The following RNF214 variants were observed in gnomAD, a reference collection of about 807,000 sequenced individuals.
RNF214 encodes ring finger protein 214.
A neutral mutation model predicts 75.9 loss-of-function variants in RNF214; 25 were observed. The observed-to-expected ratio is 0.33, with a 90% CI of 0.24 to 0.46. RNF214 has a LOEUF of 0.46. Among genes scored for constraint, RNF214 ranks in the 20% least tolerant of loss-of-function variants. The probability of loss-of-function intolerance (pLI) is 1.00; values close to 1 mark genes in which losing one functional copy is unlikely to be tolerated. For missense variants in RNF214, 725 were observed against 857.5 expected (o/e 0.85, Z 1.93); for synonymous variants, 314 against 308.8 (o/e 1.02, Z -0.18).
intron 6 of RNF214, among the ~76,000 whole-genome samples, chr11:117,259,572 A>T (rs770907527): frequency 6.6e-6 from 1 of 152,178 alleles, no homozygotes; most frequent in African/African-American, 2.4e-5. Context: ...CATCTTTGCT[A>T]TTCAAGGGCT....
At chr11:117,244,368 A>G (rs1332595464) in intron 4 of RNF214, 77 bp from the exon 5 acceptor site, 27 of 1,225,012 alleles carry the variant, frequency 2.2e-5, no homozygotes, top group Non-Finnish European at 3.1e-5. Flanking sequence ...GCTCTATACA[A>G]TGCCTTGGAC....
In RNF214 at chr11:117,270,241, C is replaced by CTTTTTTTTTTT. The variant is rs57144374; in HGVS notation, c.960-9651_960-9641dup. Among the ~76,000 whole-genome samples, 89 of 75,856 alleles carry CTTTTTTTTTTT rather than the reference C, an allele frequency of 1.2e-3. 2 individuals carry two copies. Among genetic ancestry groups the CTTTTTTTTTTT allele is most frequent in the Non-Finnish European group, 1.4e-3 (55 of 38,910 alleles). 49.8% of individuals were successfully genotyped at this position (75,856 alleles called of 152,430 possible). A position where few individuals can be genotyped will look rare whatever the true frequency, so the allele number is the denominator to read the frequency against. ...TTTCAATTTTCTTTTCTTTTCTTTTCTTTTTTTTTTTTTTTTTTTTTTTTT... is the reference window on the plus strand; with the variant it reads ...TTTCAATTTTCTTTTCTTTTCTTTTCTTTTTTTTTTTTTTTTTTTTTTTTTTTTTTTTTTTT... On this transcript the variant is annotated intron_variant, in intron 6 of 14. Coordinates refer to ENST00000300650, the MANE Select transcript of RNF214 (RefSeq NM_207343.4).
intron 11 of RNF214, 44 bp from the exon 12 acceptor site, chr11:117,282,360 G>C (rs1342107481): frequency 1.2e-6 from 2 of 1,604,852 alleles, no homozygotes; most frequent in Non-Finnish European, 8.5e-7. Flanking sequence ...GTTCCCCGTG[G>C]GTATAGCATA....
chr11:117,280,056 G>T, intron 7 of RNF214, 52 bp downstream of exon 7: 1 of 1,536,490 alleles, frequency 6.5e-7, no homozygotes, highest in Non-Finnish European at 9.0e-7. Context: ...CTTCCAGATG[G>T]TATCTACTTT....
chr11:117,251,210 A>G (rs1345574909), intron 6 of RNF214, among the ~76,000 whole-genome samples: 1 of 107,758 alleles, frequency 9.3e-6, no homozygotes, highest in Admixed American at 9.6e-5. Flanking sequence ...GGCGCCCCGC[A>G]CCTCCCGGAC....
At chr11:117,266,959 A>C (rs1393963479) in intron 6 of RNF214, among the ~76,000 whole-genome samples, 1 of 126,558 alleles carries the variant, frequency 7.9e-6, no homozygotes, top group Non-Finnish European at 1.6e-5. Flanking sequence ...GGTTCAAGCA[A>C]TTCTCCTGCC....
intron 6 of RNF214, among the ~76,000 whole-genome samples, chr11:117,254,527 C>T (rs966531284): frequency 1.3e-5 from 2 of 152,150 alleles, no homozygotes; most frequent in Non-Finnish European, 2.9e-5. Flanking sequence ...TACTTGCTTA[C>T]CATTACCATC....
At position 117,281,723 on chromosome 11, in the gene RNF214, G is replaced by C. The variant is rs368370889; in HGVS notation, c.1335+25G>C. 1.9e-6 allele frequency: 3 copies of C among 1,577,424 alleles called. No individual in the cohort carries two copies. The Admixed American group carries it at 5.0e-5, about 26-fold the overall frequency. ...GGTAAGAGAGTGGCTTTGGGGGGAAGTTCACCTTTCTGTGTTGGTAGCAGC... is the reference window on the plus strand; with the variant it reads ...GGTAAGAGAGTGGCTTTGGGGGGAACTTCACCTTTCTGTGTTGGTAGCAGC... On this transcript the variant is annotated intron_variant, in intron 10 of 14. Coordinates refer to ENST00000300650, the MANE Select transcript of RNF214 (RefSeq NM_207343.4).
chr11:117,245,121 C>G (rs904439051), intron 5 of RNF214, among the ~76,000 whole-genome samples: 2 of 150,928 alleles, frequency 1.3e-5, no homozygotes, highest in African/African-American at 4.9e-5. Context: ...GAGTTCGAAC[C>G]AGCCTGGGCA....
chr11:117,268,515 A>G (rs2033843642), intron 6 of RNF214, among the ~76,000 whole-genome samples: 1 of 152,154 alleles, frequency 6.6e-6, no homozygotes, highest in Non-Finnish European at 1.5e-5. Context: ...TTTTAATTGT[A>G]TTTTCCCTTA....
intron 6 of RNF214, among the ~76,000 whole-genome samples, chr11:117,261,223 A>G (rs1426057318): frequency 6.6e-6 from 1 of 152,100 alleles, no homozygotes; most frequent in African/African-American, 2.4e-5. Flanking sequence ...TTCTATTTCT[A>G]ATTATCTGAG....
In RNF214 at chr11:117,251,018, C is replaced by A. The variant is rs1158035582; in HGVS notation, c.959+4070C>A. ...AAAAGTCTCCCATGTCTACCTCTTT[C>A]TACACAGACACGGCAACCATCCAAT... On this transcript the variant is annotated intron_variant, in intron 6 of 14. Coordinates refer to ENST00000300650, the MANE Select transcript of RNF214 (RefSeq NM_207343.4). 2.0e-4 allele frequency among the ~76,000 whole-genome samples: 30 copies of A among 149,024 alleles called. No individual in the cohort carries two copies. The South Asian group carries it at 5.3e-3, about 27-fold the overall frequency.
At chr11:117,269,782 TTA>T (rs2033870796) in intron 6 of RNF214, among the ~76,000 whole-genome samples, 1 of 152,214 alleles carries the variant, frequency 6.6e-6, no homozygotes, top group Non-Finnish European at 1.5e-5. Flanking sequence ...TTTTTCCACT[TTA>T]TGATACTAGG....
In RNF214 at chr11:117,244,651, T is replaced by TA; in HGVS notation, c.819+72dup. ...AGTCTCTGATCAAACTTTAATTTTT[T>TA]AAAAAACTTTATTTATTTATTTATT... On this transcript the variant is annotated intron_variant, in intron 5 of 14. Coordinates refer to ENST00000300650, the MANE Select transcript of RNF214 (RefSeq NM_207343.4). The TA allele has an allele frequency of 1.1e-5, 13 of 1,206,338 alleles. No homozygotes were observed. In the South Asian group the frequency reaches 2.1e-4, roughly 20 times the overall value. The allele number at this position is 1,206,338 out of a possible 1,614,324, so 74.7% of individuals were successfully genotyped here.
intron 3 of RNF214, chr11:117,239,574 CTCAG>C (rs2033014953): frequency 5.6e-6 from 3 of 536,550 alleles, no homozygotes; most frequent in Admixed American, 3.3e-5. Context: ...GAGGCTTTCT[CTCAG>C]TCAGTCATTG....
At chr11:117,257,709 G>A (rs1489119444) in intron 6 of RNF214, among the ~76,000 whole-genome samples, 1 of 152,084 alleles carries the variant, frequency 6.6e-6, no homozygotes, top group African/African-American at 2.4e-5. Flanking sequence ...AAGACAAAAA[G>A]AATAATGAGA....
At chr11:117,248,138 C>G (rs994800577) in intron 6 of RNF214, among the ~76,000 whole-genome samples, 1 of 152,072 alleles carries the variant, frequency 6.6e-6, no homozygotes, top group African/African-American at 2.4e-5. Context: ...TGCAGTGGCA[C>G]GATCTCAGCT....
At chr11:117,263,833 CT>C in intron 6 of RNF214, 20 of 247,068 alleles carry the variant, frequency 8.1e-5, no homozygotes, top group South Asian at 2.1e-4. Flanking sequence ...CTCCCCTCTG[CT>C]TTTTTGGTCC....
intron 6 of RNF214, among the ~76,000 whole-genome samples, chr11:117,268,676 T>C (rs1439312053): frequency 6.6e-6 from 1 of 152,182 alleles, no homozygotes; most frequent in African/African-American, 2.4e-5. Flanking sequence ...TCTAGAGACT[T>C]TTTATTTTCA....
Sources: gnomAD v4.1 joint callset for allele counts (sites outside exome capture counted in the v4.1 genomes callset) on GRCh38, gnomAD v4.1.1 for gene constraint, MANE v1.5 for transcripts, NCBI Gene and HGNC (gene_info 2026-07-23, HGNC 2026-07-21) for gene names.